The following CCDC171 variants were observed in gnomAD, a reference collection of about 807,000 sequenced individuals.
The protein encoded by CCDC171 is coiled-coil domain containing 171, also known as coiled-coil domain-containing protein 171.
Under a neutral mutation model 168.2 loss-of-function variants are expected in CCDC171, and 177 were observed. The observed-to-expected ratio is 1.05, with a 90% CI of 0.93 to 1.19. The LOEUF (loss-of-function observed/expected upper bound fraction) is 1.19. Among genes scored for constraint, CCDC171 ranks in the 50% most tolerant of loss-of-function variants. The pLI, the probability that CCDC171 is intolerant of heterozygous loss-of-function variation, is 0.00. For synonymous variants in CCDC171, 687 were observed against 540.8 expected, an observed-to-expected ratio of 1.27 and a Z score of -3.75; for missense variants, 1,991 against 1,539.0, an observed-to-expected ratio of 1.29 and a Z score of -4.91.
chr9:15,619,703 C>G (rs2132006921), intron 6 of CCDC171, among the ~76,000 whole-genome samples: 1 of 152,202 alleles, frequency 6.6e-6, no homozygotes, highest in East Asian at 1.9e-4. Flanking sequence ...GGTGGCCACA[C>G]TAAACAACAG....
At chr9:16,052,032 T>A (rs1047925917) in intron 1 of CCDC171, among the ~76,000 whole-genome samples, 3 of 152,140 alleles carry the variant, frequency 2.0e-5, no homozygotes, top group Non-Finnish European at 2.9e-5. Flanking sequence ...CCTGCCCCCA[T>A]GATTCAATTA....
At chr9:15,808,588 CTTTCAGAGAGCAGGGTGCTTGA>C (rs919016050) in intron 21 of CCDC171, among the ~76,000 whole-genome samples, 60 of 152,266 alleles carry the variant, frequency 3.9e-4, no homozygotes, top group East Asian at 1.2e-3. Context: ...TCATTGCTTG[CTTTCAGAGAGCAGGGTGCTTGA>C]TTTCAGAGAG....
intron 21 of CCDC171, among the ~76,000 whole-genome samples, chr9:15,802,619 G>A (rs1266262130): frequency 3.3e-5 from 5 of 152,132 alleles, no homozygotes; most frequent in African/African-American, 1.2e-4. Context: ...GGTATTCCAT[G>A]TTGTATATGT....
rs139079563 is a variant in CCDC171 at position 15,913,289 on chromosome 9, C to A, written c.3601-6981C>A. ...TATGTGTCCAGGAATTTATCCATGT[C>A]ATCTAGATCTTCTAGTTTATTTGCA... On this transcript the variant is annotated intron_variant, in intron 24 of 25. Coordinates refer to ENST00000380701, the MANE Select transcript of CCDC171 (RefSeq NM_173550.4). Among the ~76,000 whole-genome samples, 805 of 152,272 alleles carry A rather than the reference C, an allele frequency of 5.3e-3. 8 individuals are homozygous for A. Among genetic ancestry groups the A allele is most frequent in the African/African-American group, 0.018 (751 of 41,554 alleles).
chr9:15,728,811 G>T (rs1353535989), intron 15 of CCDC171, among the ~76,000 whole-genome samples: 1 of 151,884 alleles, frequency 6.6e-6, no homozygotes, highest in Non-Finnish European at 1.5e-5. Flanking sequence ...AATGACATGT[G>T]CTCTTAAGGG....
At chr9:15,575,188 CAG>C (rs1487472586) in intron 3 of CCDC171, among the ~76,000 whole-genome samples, 1 of 79,356 alleles carries the variant, frequency 1.3e-5, no homozygotes, top group Non-Finnish European at 2.4e-5. Flanking sequence ...TTTTTTGAAA[CAG>C]GGTCTCGCTC....
chr9:16,008,661 G>C (rs1182413460), intron 3 of CCDC171, among the ~76,000 whole-genome samples: 2 of 152,100 alleles, frequency 1.3e-5, no homozygotes, highest in Admixed American at 6.6e-5. Flanking sequence ...CCCTCTCCTT[G>C]CATCGCTGGG....
chr9:15,805,809 T>C (rs940009156), intron 21 of CCDC171, among the ~76,000 whole-genome samples: 5 of 152,252 alleles, frequency 3.3e-5, no homozygotes, highest in Admixed American at 1.3e-4. Flanking sequence ...CCTTGTTAAT[T>C]TTCTGTCTGA....
chr9:16,071,851 C>G, the CCDC171 span, among the ~76,000 whole-genome samples: 1 of 152,188 alleles, frequency 6.6e-6, no homozygotes, highest in East Asian at 1.9e-4. Flanking sequence ...AGCCTCTTAC[C>G]TGGCTTTCTA....
chr9:15,774,475 C>T (rs2057196782), intron 18 of CCDC171, among the ~76,000 whole-genome samples: 1 of 151,900 alleles, frequency 6.6e-6, no homozygotes, highest in South Asian at 2.1e-4. Flanking sequence ...GGCATGGATG[C>T]AGTGAAAAGG....
At chr9:15,720,830 C>T (rs2053429710) in intron 11 of CCDC171, among the ~76,000 whole-genome samples, 1 of 152,098 alleles carries the variant, frequency 6.6e-6, no homozygotes, top group African/African-American at 2.4e-5. Context: ...CTAATGCTAT[C>T]CCTCCTCCCT....
intron 11 of CCDC171, among the ~76,000 whole-genome samples, chr9:15,698,438 A>G (rs949716459): frequency 1.8e-4 from 27 of 151,044 alleles, no homozygotes; most frequent in Admixed American, 5.9e-4. Context: ...GGAGAATGGC[A>G]TGAACCTGGG....
At position 15,820,402 on chromosome 9, in the gene CCDC171, G is replaced by C. The variant is rs1285599731; in HGVS notation, c.3268-26300G>C. Among the ~76,000 whole-genome samples the C allele has an allele frequency of 1.9e-4, 22 of 115,408 alleles. 7 individuals carry two copies. Among genetic ancestry groups the C allele is most frequent in the Non-Finnish European group, 2.9e-4 (15 of 51,982 alleles). The allele number at this position is 115,408 out of a possible 152,430, so 75.7% of individuals were successfully genotyped here. A position where few individuals can be genotyped will look rare whatever the true frequency, so the allele number is the denominator to read the frequency against. On this transcript the variant is annotated intron_variant, in intron 21 of 25. Transcript: ENST00000380701. ...CTTCAAAAAATCAATGAATCCAGGA[G>C]CTGGTTTTTTGAAAAGATCAACAAA... is the stretch of plus-strand genomic sequence containing the variant.
intron 3 of CCDC171, among the ~76,000 whole-genome samples, 193 bp downstream of exon 3, chr9:15,571,952 T>A (rs924901105): frequency 6.6e-6 from 1 of 152,176 alleles, no homozygotes; most frequent in African/African-American, 2.4e-5. Flanking sequence ...CTTTAATGAA[T>A]TATGTTTATT....
At chr9:16,014,667 G>A (rs1832965058) in intron 3 of CCDC171, among the ~76,000 whole-genome samples, 4 of 152,122 alleles carry the variant, frequency 2.6e-5, no homozygotes, top group South Asian at 2.1e-4. Context: ...TGTGTTTGCA[G>A]GCATAATAAC....
Position 15,989,608 on chromosome 9 carries a change from T to C in CCDC171, n.369-30981T>C, listed in dbSNP as rs149116976. ...CTTTGACGAGTTGAGAGAAGAAGGT[T>C]TCAGATGATCAAACTTCTCCGAGCT... On this transcript the variant is annotated intron_variant and non_coding_transcript_variant, in intron 3 of 9. Transcript: ENST00000486641. Among the ~76,000 whole-genome samples the C allele has an allele frequency of 7.5e-3, 1,141 of 152,176 alleles. 9 individuals are homozygous for C. The highest frequency in any genetic ancestry group is 0.012 in the Non-Finnish European group (798 of 68,016).
At chr9:15,760,229 T>C (rs529925864) in intron 18 of CCDC171, among the ~76,000 whole-genome samples, 1 of 152,326 alleles carries the variant, frequency 6.6e-6, no homozygotes, top group Non-Finnish European at 1.5e-5. Context: ...AGGAAAACTG[T>C]GGTGCATGTA....
intron 9 of CCDC171, among the ~76,000 whole-genome samples, chr9:15,668,357 T>G (rs1044982584): frequency 6.6e-6 from 1 of 152,170 alleles, no homozygotes; most frequent in African/African-American, 2.4e-5. Flanking sequence ...TTTTTTTCCT[T>G]AAGTTTTGTT....
chr9:15,643,100 C>T (rs2046769680), intron 7 of CCDC171, among the ~76,000 whole-genome samples: 1 of 151,494 alleles, frequency 6.6e-6, no homozygotes, highest in Non-Finnish European at 1.5e-5. Flanking sequence ...TTTTGGGAAA[C>T]AGGAGGTGTT....
Sources: gnomAD v4.1 joint callset for allele counts (sites outside exome capture counted in the v4.1 genomes callset) on GRCh38, gnomAD v4.1.1 for gene constraint, MANE v1.5 for transcripts, NCBI Gene and HGNC (gene_info 2026-07-23, HGNC 2026-07-21) for gene names.